TMEM135: variants seen among roughly 807,000 people sequenced by gnomAD.
The protein encoded by TMEM135 is transmembrane protein 135, also known as peroxisomal membrane protein 52.
TMEM135 carries 30 observed loss-of-function variants against 60.3 expected under a neutral mutation model. That is an observed-to-expected ratio of 0.50 (90% CI 0.37 to 0.68). TMEM135 has a LOEUF of 0.68. TMEM135 is among the 30% of genes least tolerant of loss of function. TMEM135 has a pLI of 0.00. For missense variants in TMEM135, 468 were observed against 548.8 expected (o/e 0.85, Z 1.47); for synonymous variants, 190 against 186.7 (o/e 1.02, Z -0.14).
intron 1 of TMEM135, among the ~76,000 whole-genome samples, chr11:87,056,211 A>G (rs1949892790): frequency 6.6e-6 from 1 of 152,222 alleles, no homozygotes. Context: ...CTGTTTTAGT[A>G]AACGTTATTA....
Position 87,063,114 on chromosome 11 carries a change from A to G in TMEM135, c.142-4580A>G, listed in dbSNP as rs532507180. Among the ~76,000 whole-genome samples, 4 of 152,326 alleles carry G rather than the reference A, an allele frequency of 2.6e-5. No homozygotes were observed. The South Asian group carries it at 8.3e-4, about 32-fold the overall frequency. On this transcript the variant is annotated intron_variant, in intron 1 of 14. Coordinates refer to ENST00000305494, the MANE Select transcript of TMEM135 (RefSeq NM_022918.4). ...GAAAAGAAGAAAATTAAAATAATCT[A>G]TTATCAACCATTTAGAGATAATCAG...
chr11:87,306,323 A>G (rs556554279), intron 9 of TMEM135, among the ~76,000 whole-genome samples: 1 of 152,366 alleles, frequency 6.6e-6, no homozygotes, highest in Admixed American at 6.5e-5. Context: ...TTTGTAATGT[A>G]TCCTCATTAG....
intron 3 of TMEM135, among the ~76,000 whole-genome samples, chr11:87,082,555 T>A (rs941043056): frequency 6.6e-6 from 1 of 152,114 alleles, no homozygotes; most frequent in Non-Finnish European, 1.5e-5. Context: ...GCTGGAAATG[T>A]GAGTCTAGGT....
rs183794528 is a variant in TMEM135 at position 87,144,768 on chromosome 11, T to G, written c.397-12573T>G. Among the ~76,000 whole-genome samples, 1,179 of 148,410 alleles carry G rather than the reference T, an allele frequency of 7.9e-3. 14 individuals are homozygous for G. Among genetic ancestry groups the G allele is most frequent in the African/African-American group, 0.028 (1,123 of 40,226 alleles). On this transcript the variant is annotated intron_variant, in intron 4 of 14. Coordinates refer to ENST00000305494, the MANE Select transcript of TMEM135 (RefSeq NM_022918.4). ...CTACTTTCAAGAGTTTTTTTTTTTATTTAGATTTTATAATTTTGTTAGTGA... is the reference window on the plus strand; with the variant it reads ...CTACTTTCAAGAGTTTTTTTTTTTAGTTAGATTTTATAATTTTGTTAGTGA...
chr11:87,132,041 A>T (rs536050421), intron 4 of TMEM135, among the ~76,000 whole-genome samples: 1 of 152,220 alleles, frequency 6.6e-6, no homozygotes, highest in Non-Finnish European at 1.5e-5. Flanking sequence ...GGGACCATCT[A>T]GTTACAGGAA....
At chr11:87,261,654 C>T (rs1941654053) in intron 6 of TMEM135, among the ~76,000 whole-genome samples, 3 of 151,814 alleles carry the variant, frequency 2.0e-5, no homozygotes, top group South Asian at 4.1e-4. Flanking sequence ...TTTTGAGACT[C>T]GCTTTCATTT....
At chr11:87,248,464 A>C (rs1304888009) in intron 6 of TMEM135, among the ~76,000 whole-genome samples, 3 of 152,152 alleles carry the variant, frequency 2.0e-5, no homozygotes, top group African/African-American at 7.2e-5. Context: ...GATGTTGAGC[A>C]CCTTCTTATA....
intron 5 of TMEM135, among the ~76,000 whole-genome samples, chr11:87,202,942 A>G (rs1408490987): frequency 6.9e-6 from 1 of 145,020 alleles, no homozygotes; most frequent in African/African-American, 2.5e-5. Context: ...CTGAGGCAGG[A>G]GAATGGCGTG....
intron 5 of TMEM135, among the ~76,000 whole-genome samples, chr11:87,209,598 T>G (rs1187185668): frequency 6.6e-6 from 1 of 152,166 alleles, no homozygotes; most frequent in Non-Finnish European, 1.5e-5. Context: ...ATATTAATAG[T>G]GGGAGACTTC....
intron 5 of TMEM135, among the ~76,000 whole-genome samples, chr11:87,218,946 AGTGAGACTCTGTCTCAAAAAACT>A (rs1248610961): frequency 6.6e-6 from 1 of 152,214 alleles, no homozygotes; most frequent in Non-Finnish European, 1.5e-5. Flanking sequence ...TGGGTGACAG[AGTGAGACTCTGTCTCAAAAAACT>A]GTGCCGTAAA....
chr11:87,318,019 G>C, intron 12 of TMEM135, 118 bp from the exon 13 acceptor site: 1 of 770,424 alleles, frequency 1.3e-6, no homozygotes, highest in South Asian at 1.5e-5. Context: ...GACATCGTTT[G>C]AGCTCTGAAG....
chr11:87,284,330 G>C (rs1361923690), intron 6 of TMEM135, among the ~76,000 whole-genome samples: 1 of 152,162 alleles, frequency 6.6e-6, no homozygotes, highest in Admixed American at 6.6e-5. Context: ...ACAGTCTGAA[G>C]GTGATTCTTG....
At position 87,325,265 on chromosome 11, in the gene TMEM135, A is replaced by AGT. The variant is rs1391754239; in HGVS notation, c.*3940_*3941dup. The AGT allele has an allele frequency of 2.2e-6, 1 of 454,032 alleles. No individual in the cohort carries two copies. The highest frequency in any genetic ancestry group is 4.4e-6 in the Non-Finnish European group (1 of 226,788). 28.1% of individuals were successfully genotyped at this position (454,032 alleles called of 1,614,324 possible). On this transcript the variant is annotated 3_prime_UTR_variant, in exon 15 of 15. Transcript: ENST00000305494. ...ACTACAAAGAAATGAAACTGACTCT[A>AGT]GTGTGTGTGACTTCTGGAAACAGAA...
chr11:87,325,517 T>C lies in TMEM135; in HGVS notation c.*4184T>C, dbSNP rs1297408389. The C allele has an allele frequency of 4.4e-6, 2 of 453,888 alleles. No individual in the cohort carries two copies. The highest frequency in any genetic ancestry group is 8.8e-6 in the Non-Finnish European group (2 of 226,786). 28.1% of individuals were successfully genotyped at this position (453,888 alleles called of 1,614,324 possible). A position where few individuals can be genotyped will look rare whatever the true frequency, so the allele number is the denominator to read the frequency against. ...CTCTCTCTCTCCCTCTCTCTCTCTCTCTGTCTGTCTCTCTTGCTGCTCCCT... is the reference window on the plus strand; with the variant it reads ...CTCTCTCTCTCCCTCTCTCTCTCTCCCTGTCTGTCTCTCTTGCTGCTCCCT... On this transcript the variant is annotated 3_prime_UTR_variant, in exon 15 of 15. Transcript: ENST00000305494.
chr11:87,326,828 A>T lies in TMEM135; in HGVS notation c.*5495A>T. Reference sequence around the variant, plus strand: ...TTTGATAGCCTGTCACTGCTCAGGGATAGCACTAAGGCTCTCTTCAGAACC... The same window carrying T: ...TTTGATAGCCTGTCACTGCTCAGGGTTAGCACTAAGGCTCTCTTCAGAACC... On this transcript the variant is annotated 3_prime_UTR_variant, in exon 15 of 15. Coordinates refer to ENST00000305494, the MANE Select transcript of TMEM135 (RefSeq NM_022918.4). The T allele has an allele frequency of 2.2e-6, 1 of 449,530 alleles. No homozygotes were observed. The highest frequency in any genetic ancestry group is 4.4e-6 in the Non-Finnish European group (1 of 225,750). 27.8% of individuals were successfully genotyped at this position (449,530 alleles called of 1,614,324 possible).
rs1942245498 is a variant in TMEM135 at position 87,290,533 on chromosome 11, A to ATCAT, written c.510-5249_510-5248insTCAT. 1.1e-4 allele frequency among the ~76,000 whole-genome samples: 16 copies of ATCAT among 152,286 alleles called. No individual in the cohort carries two copies. The South Asian group carries it at 3.3e-3, about 32-fold the overall frequency. ...TGTAATAAAGATGACTATCTCATGA[A>ATCAT]AGTAATTTCATAGAAAATATCTTTG... On this transcript the variant is annotated intron_variant, in intron 6 of 14. Coordinates refer to ENST00000305494, the MANE Select transcript of TMEM135 (RefSeq NM_022918.4).
At chr11:87,171,822 A>C (rs1355660391) in intron 5 of TMEM135, among the ~76,000 whole-genome samples, 3 of 152,114 alleles carry the variant, frequency 2.0e-5, no homozygotes, top group Non-Finnish European at 4.4e-5. Flanking sequence ...GTTCTACCTC[A>C]CATCATCATT....
In TMEM135 at chr11:87,150,598, T is replaced by G. The variant is rs1938533946; in HGVS notation, c.397-6743T>G. 3.3e-5 allele frequency among the ~76,000 whole-genome samples: 5 copies of G among 152,372 alleles called. No homozygotes were observed. The South Asian group carries it at 1.0e-3, about 32-fold the overall frequency. Reference sequence around the variant, plus strand: ...AGCTGAGCCATTGTACAACTTTTCTTGCTACCTTATGTTTTTTTCATAGTT... The same window carrying G: ...AGCTGAGCCATTGTACAACTTTTCTGGCTACCTTATGTTTTTTTCATAGTT... On this transcript the variant is annotated intron_variant, in intron 4 of 14. Coordinates refer to ENST00000305494, the MANE Select transcript of TMEM135 (RefSeq NM_022918.4).
intron 6 of TMEM135, among the ~76,000 whole-genome samples, chr11:87,285,776 C>T (rs1206655521): frequency 1.3e-5 from 2 of 152,182 alleles, no homozygotes; most frequent in East Asian, 1.9e-4. Context: ...TGCTTTTTTC[C>T]CCTTATCTGG....
Sources: allele counts gnomAD v4.1 joint callset (sites outside exome capture counted in the v4.1 genomes callset), GRCh38; gene constraint gnomAD v4.1.1; transcripts MANE v1.5; gene names NCBI Gene and HGNC (gene_info 2026-07-23, HGNC 2026-07-21).